OR51B5: variants seen among roughly 807,000 people sequenced by gnomAD.
OR51B5 encodes olfactory receptor 51B5.
For missense variants in OR51B5, 456 were observed against 374.6 expected (o/e 1.22, Z -1.79); for synonymous variants, 186 against 144.8 (o/e 1.28, Z -2.04).
In OR51B5 at chr11:5,436,200, C is replaced by T. The variant is rs16930855; in HGVS notation, n.84+69369G>A. ...TGACCAGAGGAGACTGCAGTAGAGACGGGTTGGGATCAGTATGACAGGTGC... is the reference window on the plus strand; with the variant it reads ...TGACCAGAGGAGACTGCAGTAGAGATGGGTTGGGATCAGTATGACAGGTGC... On this transcript the variant is annotated intron_variant and non_coding_transcript_variant, in intron 1 of 4. Coordinates refer to the OR51B5 transcript ENST00000415970. Among the ~76,000 whole-genome samples, 2,689 of 152,190 alleles carry T rather than the reference C, an allele frequency of 0.018. 247 individuals carry two copies. In the East Asian group the frequency reaches 0.26, roughly 14 times the overall value.
intron 1 of OR51B5, among the ~76,000 whole-genome samples, chr11:5,350,023 A>G (rs1849052960): frequency 6.6e-6 from 1 of 152,200 alleles, no homozygotes; most frequent in African/African-American, 2.4e-5. Context: ...CCACAGAAAA[A>G]AAGGAAATCA....
At chr11:5,424,169 A>G (rs1426801995) in intron 1 of OR51B5, among the ~76,000 whole-genome samples, 1 of 152,168 alleles carries the variant, frequency 6.6e-6, no homozygotes, top group African/African-American at 2.4e-5. Flanking sequence ...ATCCACTTAG[A>G]TTTGAATCAA....
At chr11:5,439,102 C>G (rs1380299847) in intron 1 of OR51B5, among the ~76,000 whole-genome samples, 2 of 98,204 alleles carry the variant, frequency 2.0e-5, no homozygotes, top group Non-Finnish European at 4.9e-5. Context: ...CTCTCGTCCT[C>G]TCTCTCTCTC....
At position 5,362,037 on chromosome 11, in the gene OR51B5, A is replaced by G. The variant is rs1294694348; in HGVS notation, n.85-15127T>C. Among the ~76,000 whole-genome samples, 35 of 152,220 alleles carry G rather than the reference A, an allele frequency of 2.3e-4. 1 individual carries two copies. The highest frequency in any genetic ancestry group is 2.2e-3 in the Admixed American group (34 of 15,276). ...ATTGAGTAAAGCAAACTTTGACATG[A>G]GGCACAATGCTTTAAATTGCTGCAT... On this transcript the variant is annotated intron_variant and non_coding_transcript_variant, in intron 1 of 4. Coordinates refer to the OR51B5 transcript ENST00000415970.
At chr11:5,369,576 T>A (rs1001671384) in intron 1 of OR51B5, among the ~76,000 whole-genome samples, 4 of 152,130 alleles carry the variant, frequency 2.6e-5, no homozygotes, top group East Asian at 1.9e-4. Flanking sequence ...ATGATATAAT[T>A]TAAAAAATTA....
chr11:5,354,057 C>G (rs894919752), intron 1 of OR51B5, among the ~76,000 whole-genome samples: 2 of 152,142 alleles, frequency 1.3e-5, no homozygotes, highest in Non-Finnish European at 2.9e-5. Flanking sequence ...TACTGTATTA[C>G]AGAACTTCTC....
At chr11:5,396,469 G>A (rs905795546) in intron 1 of OR51B5, among the ~76,000 whole-genome samples, 14 of 152,116 alleles carry the variant, frequency 9.2e-5, no homozygotes, top group Non-Finnish European at 1.5e-4. Context: ...TTGCTTCAGA[G>A]AGAATATAAT....
intron 1 of OR51B5, among the ~76,000 whole-genome samples, chr11:5,452,649 G>A (rs11037487): frequency 0.1 from 15,196 of 150,790 alleles, 938 homozygotes; most frequent in East Asian, 0.21. Context: ...CTATGAATGA[G>A]CTTTCTTACT....
At chr11:5,433,707 C>A (rs1006403726) in intron 1 of OR51B5, among the ~76,000 whole-genome samples, 4 of 152,096 alleles carry the variant, frequency 2.6e-5, no homozygotes, top group African/African-American at 9.7e-5. Context: ...GTGGCACATG[C>A]CTGTAGTCCA....
At chr11:5,389,387 A>T in intron 1 of OR51B5, 1 of 1,608,440 alleles carries the variant, frequency 6.2e-7, no homozygotes, top group Non-Finnish European at 8.5e-7. Context: ...TTTTCAGCTC[A>T]ATCCCCGAGG....
chr11:5,447,203 C>G (rs1850779707), intron 1 of OR51B5, among the ~76,000 whole-genome samples: 1 of 152,186 alleles, frequency 6.6e-6, no homozygotes, highest in Non-Finnish European at 1.5e-5. Flanking sequence ...CAAGTCCACT[C>G]CTGACTCTTT....
intron 1 of OR51B5, chr11:5,352,215 C>T (rs1193033236): frequency 1.9e-6 from 3 of 1,613,976 alleles, no homozygotes; most frequent in Non-Finnish European, 2.5e-6. Flanking sequence ...CCAAGGCCCT[C>T]AACACATGTG....
chr11:5,484,215 G>C (rs16931569), intron 1 of OR51B5, among the ~76,000 whole-genome samples: 3,526 of 152,202 alleles, frequency 0.023, 75 homozygotes, highest in Non-Finnish European at 0.036. Context: ...GTGTAAGATG[G>C]GGACCCAGAC....
intron 1 of OR51B5, among the ~76,000 whole-genome samples, chr11:5,413,600 A>AG (rs1242314781): frequency 5.3e-5 from 8 of 152,336 alleles, no homozygotes; most frequent in African/African-American, 1.7e-4. Context: ...GAGCTGATGG[A>AG]GCTGAAAGCC....
At chr11:5,440,990 A>C (rs747934787) in intron 1 of OR51B5, 9 of 1,613,892 alleles carry the variant, frequency 5.6e-6, no homozygotes, top group Non-Finnish European at 7.6e-6. Flanking sequence ...AGTGATGCAA[A>C]ACATTGCCTT....
rs188933239 is a variant in OR51B5, at chr11:5,365,528, T to C, written n.85-18618A>G. ...CTATGCACAGGATAGGATATGGCTGTACTACCTCGAAGTTTTTTCACAAAG... is the reference window on the plus strand; with the variant it reads ...CTATGCACAGGATAGGATATGGCTGCACTACCTCGAAGTTTTTTCACAAAG... On this transcript the variant is annotated intron_variant and non_coding_transcript_variant, in intron 1 of 4. Transcript: ENST00000415970. Among the ~76,000 whole-genome samples, 481 of 152,280 alleles carry C rather than the reference T, an allele frequency of 3.2e-3. 3 individuals carry two copies. Among genetic ancestry groups the C allele is most frequent in the Admixed American group, 5.8e-3 (89 of 15,294 alleles).
chr11:5,454,435 A>T (rs1850921570), intron 1 of OR51B5: 1 of 1,592,764 alleles, frequency 6.3e-7, no homozygotes, highest in Non-Finnish European at 8.5e-7. Flanking sequence ...TGACTTTCAC[A>T]CTTGGCTTTA....
intron 1 of OR51B5, among the ~76,000 whole-genome samples, chr11:5,369,279 G>C: frequency 6.6e-6 from 1 of 152,098 alleles, no homozygotes; most frequent in East Asian, 1.9e-4. Flanking sequence ...CCATGTGTGT[G>C]GGGTAGTAGA....
chr11:5,365,030 C>A (rs1849344485), intron 1 of OR51B5, among the ~76,000 whole-genome samples: 1 of 152,200 alleles, frequency 6.6e-6, no homozygotes, highest in South Asian at 2.1e-4. Flanking sequence ...ATTCTTGTCA[C>A]AGCAATGAAT....
Sources: gnomAD v4.1 joint callset for allele counts (sites outside exome capture counted in the v4.1 genomes callset) on GRCh38, gnomAD v4.1.1 for gene constraint, MANE v1.5 for transcripts, NCBI Gene and HGNC (gene_info 2026-07-23, HGNC 2026-07-21) for gene names.